The following TPTE2 variants were observed in gnomAD, a reference collection of about 807,000 sequenced individuals.
TPTE2 encodes transmembrane phosphoinositide 3-phosphatase and tensin homolog 2.
In TPTE2, 53 loss-of-function variants were observed where a neutral mutation model predicts 78.6. That is an observed-to-expected ratio of 0.67 (90% CI 0.54 to 0.85). The LOEUF (loss-of-function observed/expected upper bound fraction) is 0.85, where lower values mean the gene tolerates loss of function less well. Among genes scored for constraint, TPTE2 ranks in the 40% least tolerant of loss-of-function variants. TPTE2 has a pLI of 0.00. For synonymous variants in TPTE2, 175 were observed against 206.2 expected, an observed-to-expected ratio of 0.85 and a Z score of 1.30; for missense variants, 461 against 623.0, an observed-to-expected ratio of 0.74 and a Z score of 2.77.
chr13:19,511,462 G>C (rs2137695360), intron 1 of TPTE2, among the ~76,000 whole-genome samples: 1 of 152,208 alleles, frequency 6.6e-6, no homozygotes, highest in East Asian at 1.9e-4. Context: ...GCATATATCT[G>C]TATATGTCAA....
chr13:19,452,404 G>A (rs896225888), intron 10 of TPTE2, among the ~76,000 whole-genome samples: 1 of 151,950 alleles, frequency 6.6e-6, no homozygotes, highest in Non-Finnish European at 1.5e-5. Context: ...GAATAACAGG[G>A]GAAACGATTT....
intron 10 of TPTE2, among the ~76,000 whole-genome samples, chr13:19,455,337 C>T (rs1363744705): frequency 6.6e-6 from 1 of 152,208 alleles, no homozygotes; most frequent in African/African-American, 2.4e-5. Flanking sequence ...GGTCTCAATT[C>T]TTCAACTTTT....
At chr13:19,489,412 A>G (rs1387879048) in intron 3 of TPTE2, among the ~76,000 whole-genome samples, 2 of 151,652 alleles carry the variant, frequency 1.3e-5, no homozygotes, top group Non-Finnish European at 2.9e-5. Flanking sequence ...ACACACACAT[A>G]TATGTATATG....
intron 13 of TPTE2, among the ~76,000 whole-genome samples, chr13:19,445,854 T>C (rs1877795628): frequency 6.6e-6 from 1 of 152,188 alleles, no homozygotes; most frequent in African/African-American, 2.4e-5. Context: ...GACATGAGAA[T>C]TGCTTGAACG....
In TPTE2 at chr13:19,430,665, A is replaced by G. The variant is rs1876513536; in HGVS notation, c.1223-118T>C. On this transcript the variant is annotated intron_variant, in intron 16 of 19. Transcript: ENST00000400230. ...AATTATCCAAGCTAACAACGTATCA[A>G]TAGTTACTTATTTGGTCTTGCATGG... The G allele has an allele frequency of 1.1e-5, 7 of 661,834 alleles. No homozygotes were observed. The South Asian group carries it at 1.2e-4, about 12-fold the overall frequency. 41.0% of individuals were successfully genotyped at this position (661,834 alleles called of 1,614,324 possible). A position where few individuals can be genotyped will look rare whatever the true frequency, so the allele number is the denominator to read the frequency against.
At chr13:19,518,658 G>A (rs1344864289) in intron 1 of TPTE2, among the ~76,000 whole-genome samples, 1 of 152,196 alleles carries the variant, frequency 6.6e-6, no homozygotes, top group Non-Finnish European at 1.5e-5. Context: ...AATGTAAAGT[G>A]CTAGATCCAC....
Position 19,486,869 on chromosome 13 carries a change from G to T in TPTE2, c.120-4322C>A, listed in dbSNP as rs957961047. 3.9e-5 allele frequency among the ~76,000 whole-genome samples: 6 copies of T among 152,136 alleles called. No homozygotes were observed. Among genetic ancestry groups the T allele is most frequent in the African/African-American group, 1.4e-4 (6 of 41,432 alleles). On this transcript the variant is annotated intron_variant, in intron 3 of 19. Coordinates refer to ENST00000400230, the Ensembl canonical transcript of TPTE2. This position sits in a 1 kb window ranked among gnomAD's most constrained non-coding sequence, Gnocchi z 4.3. ...GATGTGGGCACACTGCTGCTCAGCT[G>T]GCCTGGGTGGTGCCTGCCAGGGGAA... is the stretch of plus-strand genomic sequence containing the variant.
the TPTE2 span, among the ~76,000 whole-genome samples, chr13:19,553,434 T>C: frequency 2.0e-5 from 3 of 152,266 alleles, no homozygotes; most frequent in South Asian, 2.1e-4. Flanking sequence ...AGCCATTTGA[T>C]TCCTGGATAT....
chr13:19,507,008 A>G (rs1042675397), upstream of TPTE2, among the ~76,000 whole-genome samples: 1 of 152,186 alleles, frequency 6.6e-6, no homozygotes, highest in African/African-American at 2.4e-5. Context: ...TACATACAGA[A>G]GCTGAAACTA....
intron 10 of TPTE2, among the ~76,000 whole-genome samples, chr13:19,451,434 A>G (rs977744463): frequency 6.6e-6 from 1 of 152,222 alleles, no homozygotes; most frequent in Non-Finnish European, 1.5e-5. Flanking sequence ...TTGGCTACTC[A>G]GATGAGTCTC....
At chr13:19,490,179 T>C (rs1422065696) in intron 3 of TPTE2, among the ~76,000 whole-genome samples, 1 of 152,174 alleles carries the variant, frequency 6.6e-6, no homozygotes, top group Non-Finnish European at 1.5e-5. Context: ...ATTTTACCAA[T>C]CTTAATATAT....
intron 13 of TPTE2, among the ~76,000 whole-genome samples, chr13:19,448,191 C>T (rs565726216): frequency 6.6e-6 from 1 of 152,296 alleles, no homozygotes; most frequent in African/African-American, 2.4e-5. Context: ...AAAGTAAATG[C>T]TTAACTGTGA....
chr13:19,467,488 T>G, intron 6 of TPTE2, 144 bp from the exon 10 acceptor site: 1 of 735,462 alleles, frequency 1.4e-6, no homozygotes, highest in Non-Finnish European at 2.0e-6. Context: ...TAGAGTAGAC[T>G]AAGGGAAAAA....
At chr13:19,547,944 C>T in the TPTE2 span, among the ~76,000 whole-genome samples, 20 of 151,242 alleles carry the variant, frequency 1.3e-4, 1 homozygote, top group Non-Finnish European at 7.4e-5. Context: ...AGTAAACTTT[C>T]GTTATTATTT....
intron 13 of TPTE2, among the ~76,000 whole-genome samples, chr13:19,444,807 G>A (rs1339147182): frequency 2.6e-5 from 4 of 152,190 alleles, no homozygotes; most frequent in African/African-American, 9.6e-5. Context: ...TGTGCTATTG[G>A]CACACAGATG....
chr13:19,507,163 T>C (rs1483020938), upstream of TPTE2, among the ~76,000 whole-genome samples: 1 of 152,160 alleles, frequency 6.6e-6, no homozygotes, highest in Non-Finnish European at 1.5e-5. Context: ...GACTCCATCA[T>C]GGGATAGTGA....
intron 7 of TPTE2, among the ~76,000 whole-genome samples, chr13:19,466,793 G>C (rs1879292721): frequency 6.6e-6 from 1 of 152,192 alleles, no homozygotes. Context: ...ATGTGTAAGG[G>C]ATTTGTAGTT....
chr13:19,517,431 G>A (rs547091614), intron 1 of TPTE2, among the ~76,000 whole-genome samples: 5 of 152,214 alleles, frequency 3.3e-5, no homozygotes, highest in East Asian at 1.9e-4. Context: ...TGAGGGTAAG[G>A]GGACTCTGTA....
chr13:19,507,518 T>C (rs1028172289), upstream of TPTE2, among the ~76,000 whole-genome samples: 11 of 152,178 alleles, frequency 7.2e-5, no homozygotes, highest in African/African-American at 2.7e-4. Flanking sequence ...AAAGTCCAGG[T>C]TACAAACCAG....
Sources: allele counts gnomAD v4.1 joint callset (sites outside exome capture counted in the v4.1 genomes callset), GRCh38; gene constraint gnomAD v4.1.1; non-coding constraint Gnocchi (gnomAD v3.1); transcripts MANE v1.5; gene names NCBI Gene and HGNC (gene_info 2026-07-23, HGNC 2026-07-21).